MFAP1: variants seen among roughly 807,000 people sequenced by gnomAD.
MFAP1 encodes the protein microfibril associated protein 1, also known as microfibrillar-associated protein 1.
In MFAP1, 18 loss-of-function variants were observed where a neutral mutation model predicts 62.2. The ratio of observed to expected loss-of-function variants is 0.29; its 90% confidence interval spans 0.20 to 0.43. MFAP1 has a LOEUF of 0.43. MFAP1 is among the 20% of genes least tolerant of loss of function. MFAP1 has a pLI of 1.00. For synonymous variants in MFAP1, 175 were observed against 180.4 expected (o/e 0.97, Z 0.24); for missense variants, 355 against 559.7 (o/e 0.63, Z 3.69).
chr15:43,815,508 AG>A (rs1194635479), intron 2 of MFAP1, among the ~76,000 whole-genome samples: 1 of 152,136 alleles, frequency 6.6e-6, no homozygotes, highest in East Asian at 1.9e-4. Flanking sequence ...GAGGAAACTG[AG>A]GTGCAGATTA....
chr15:43,813,161 AC>A lies in MFAP1; in HGVS notation c.727-15del. The A allele has an allele frequency of 6.2e-7, 1 of 1,614,030 alleles. No individual in the cohort carries two copies. Among genetic ancestry groups the A allele is most frequent in the South Asian group, 1.1e-5 (1 of 91,056 alleles). The stretch of plus-strand genomic sequence containing the variant: ...CTCTTCGACAATCTGGATAGGGAGA[AC>A]AATTCAGCTTGGACTTCCTTACTCT... On this transcript the variant is annotated splice_polypyrimidine_tract_variant and intron_variant, in intron 5 of 8. Coordinates refer to ENST00000267812, the MANE Select transcript of MFAP1 (RefSeq NM_005926.3).
chr15:43,820,201 C>T (rs146973796), intron 1 of MFAP1, among the ~76,000 whole-genome samples: 5,547 of 152,186 alleles, frequency 0.036, 141 homozygotes, highest in Non-Finnish European at 0.057. Flanking sequence ...ACCTGTAGTC[C>T]CAGCTACTCA....
At chr15:43,813,659 G>A (rs1332892679) in intron 4 of MFAP1, among the ~76,000 whole-genome samples, 1 of 151,870 alleles carries the variant, frequency 6.6e-6, no homozygotes. Flanking sequence ...ACAAGAGTCT[G>A]CCACCACACC....
In MFAP1 at chr15:43,805,483, T is replaced by C. The variant is rs1400696587; in HGVS notation, c.1048-18A>G. ...TCCTCATCCTGTATAAAAAAAATCT[T>C]ATCAATCTTGTGGCTTTATTTCCTA... On this transcript the variant is annotated intron_variant, in intron 7 of 8. Transcript: ENST00000267812. The C allele has an allele frequency of 1.3e-6, 2 of 1,591,534 alleles. No homozygotes were observed.
In MFAP1 at chr15:43,824,619, G is replaced by T. The variant is rs1205222558; in HGVS notation, c.-50C>A. 1 of 1,583,674 alleles carries T rather than the reference G, an allele frequency of 6.3e-7. No individual in the cohort carries two copies. The highest frequency in any genetic ancestry group is 1.3e-5 in the African/African-American group (1 of 74,268). On this transcript the variant is annotated 5_prime_UTR_variant, in exon 1 of 9. Coordinates refer to ENST00000267812, the MANE Select transcript of MFAP1 (RefSeq NM_005926.3). ...CGAAACTTGACTAATTCCAAACAGTGAACACCAGCAACGTCAACGAAGAGA... is the reference window on the plus strand; with the variant it reads ...CGAAACTTGACTAATTCCAAACAGTTAACACCAGCAACGTCAACGAAGAGA...
In MFAP1 at chr15:43,804,882, T is replaced by C; in HGVS notation, c.*212A>G. 4.6e-6 allele frequency: 2 copies of C among 433,396 alleles called. No homozygotes were observed. The highest frequency in any genetic ancestry group is 8.1e-6 in the Non-Finnish European group (2 of 247,894). The allele number at this position is 433,396 out of a possible 1,614,324, so 26.8% of individuals were successfully genotyped here. ...ATAGTTTTAAGTGGGAAGCCTCTAATCCTACCTGGACAGTGCTTTCCTGTG... is the reference window on the plus strand; with the variant it reads ...ATAGTTTTAAGTGGGAAGCCTCTAACCCTACCTGGACAGTGCTTTCCTGTG... On this transcript the variant is annotated 3_prime_UTR_variant, in exon 9 of 9. Transcript: ENST00000267812.
chr15:43,807,843 C>CA (rs2087375754), intron 7 of MFAP1, among the ~76,000 whole-genome samples: 1 of 152,004 alleles, frequency 6.6e-6, no homozygotes, highest in African/African-American at 2.4e-5. Flanking sequence ...CTTACTTACT[C>CA]AATGAAATAA....
chr15:43,810,523 T>C lies in MFAP1; in HGVS notation c.888-609A>G, dbSNP rs563476444. Among the ~76,000 whole-genome samples the C allele has an allele frequency of 1.5e-4, 23 of 152,106 alleles. No individual in the cohort carries two copies. In the South Asian group the frequency reaches 4.8e-3, roughly 32 times the overall value. On this transcript the variant is annotated intron_variant, in intron 6 of 8. Transcript: ENST00000267812. ...CTGGGACTACAGGTGCCCGCCACCA[T>C]GCCCAGCTAATCTTTTTGAATTTTT...
intron 3 of MFAP1, 54 bp downstream of exon 3, chr15:43,814,891 G>T: frequency 6.2e-7 from 1 of 1,605,190 alleles, no homozygotes. Flanking sequence ...ATGAGCACTG[G>T]CATGAACTTT....
At chr15:43,809,618 G>C in intron 7 of MFAP1, 137 bp downstream of exon 7, 1 of 1,041,252 alleles carries the variant, frequency 9.6e-7, no homozygotes, top group Non-Finnish European at 1.4e-6. Flanking sequence ...ATATTGTTCA[G>C]AAGGAAAAAG....
In MFAP1 at chr15:43,824,641, G is replaced by T; in HGVS notation, c.-72C>A. 6.6e-7 allele frequency: 1 copy of T among 1,517,580 alleles called. No homozygotes were observed. The highest frequency in any genetic ancestry group is 9.1e-7 in the Non-Finnish European group (1 of 1,094,282). 94.0% of individuals were successfully genotyped at this position (1,517,580 alleles called of 1,614,324 possible). A position where few individuals can be genotyped will look rare whatever the true frequency, so the allele number is the denominator to read the frequency against. On this transcript the variant is annotated 5_prime_UTR_variant, in exon 1 of 9. Coordinates refer to ENST00000267812, the MANE Select transcript of MFAP1 (RefSeq NM_005926.3). Reference sequence around the variant, plus strand: ...AGTGAACACCAGCAACGTCAACGAAGAGAAGAAATTCCTTCCACCTGAGTC... The same window carrying T: ...AGTGAACACCAGCAACGTCAACGAATAGAAGAAATTCCTTCCACCTGAGTC...
At chr15:43,806,617 G>T (rs1012010067) in intron 7 of MFAP1, among the ~76,000 whole-genome samples, 1 of 152,214 alleles carries the variant, frequency 6.6e-6, no homozygotes, top group East Asian at 1.9e-4. Flanking sequence ...GCTCACGCCC[G>T]TAATCCCAGC....
chr15:43,824,409 T>G (rs1596060465), intron 1 of MFAP1, 82 bp downstream of exon 1: 2 of 1,350,414 alleles, frequency 1.5e-6, no homozygotes, highest in East Asian at 2.5e-5. Flanking sequence ...GGGGTTGGAG[T>G]GGTCTGTCCG....
In MFAP1 at chr15:43,824,059, A is replaced by G. The variant is rs2087483564; in HGVS notation, c.79+432T>C. The stretch of plus-strand genomic sequence containing the variant: ...AGTTCCTAATTATTAGATTAATAAT[A>G]TACTTAAGTTCCTAAGTAATTACAC... On this transcript the variant is annotated intron_variant, in intron 1 of 8. Transcript: ENST00000267812. Among the ~76,000 whole-genome samples, 2 of 151,836 alleles carry G rather than the reference A, an allele frequency of 1.3e-5. 1 individual carries two copies. The highest frequency in any genetic ancestry group is 4.1e-4 in the South Asian group (2 of 4,830).
At chr15:43,806,349 TTTAAC>T (rs1349511352) in intron 7 of MFAP1, among the ~76,000 whole-genome samples, 1 of 152,208 alleles carries the variant, frequency 6.6e-6, no homozygotes, top group East Asian at 1.9e-4. Flanking sequence ...ACCTCTTCTC[TTTAAC>T]TTTTCTGTTA....
At position 43,809,924 on chromosome 15, in the gene MFAP1, G is replaced by C. The variant is rs766606921; in HGVS notation, c.888-10C>G. On this transcript the variant is annotated splice_polypyrimidine_tract_variant and intron_variant, in intron 6 of 8. Transcript: ENST00000267812. ...TTTCTCCTTCTCAAGCCTGTCCAGG[G>C]AGCAAAACAATTTATTGGTACTGTT... 1 of 1,613,852 alleles carries C rather than the reference G, an allele frequency of 6.2e-7. No individual in the cohort carries two copies. Among genetic ancestry groups the C allele is most frequent in the Non-Finnish European group, 8.5e-7 (1 of 1,179,854 alleles).
intron 6 of MFAP1, among the ~76,000 whole-genome samples, chr15:43,811,246 C>T (rs2087398605): frequency 6.7e-6 from 1 of 150,110 alleles, no homozygotes; most frequent in Admixed American, 6.6e-5. Flanking sequence ...GAAAACCCAC[C>T]TCTACTAAAA....
chr15:43,822,626 G>A (rs2087473372), intron 1 of MFAP1, among the ~76,000 whole-genome samples: 1 of 151,754 alleles, frequency 6.6e-6, no homozygotes, highest in African/African-American at 2.4e-5. Context: ...CACCCATCTC[G>A]GCCTCCCAAA....
chr15:43,810,736 T>C (rs1195697265), intron 6 of MFAP1, among the ~76,000 whole-genome samples: 2 of 151,352 alleles, frequency 1.3e-5, no homozygotes, highest in African/African-American at 4.9e-5. Context: ...ATAAAATGCA[T>C]ACATACACAC....
Sources: allele counts gnomAD v4.1 joint callset (sites outside exome capture counted in the v4.1 genomes callset), GRCh38; gene constraint gnomAD v4.1.1; transcripts MANE v1.5; gene names NCBI Gene and HGNC (gene_info 2026-07-23, HGNC 2026-07-21).